The following MMP16 variants were observed in gnomAD, a reference collection of about 807,000 sequenced individuals.
MMP16 encodes matrix metallopeptidase 16.
MMP16 carries 12 observed loss-of-function variants against 67.8 expected under a neutral mutation model. The observed-to-expected ratio is 0.18, with a 90% CI of 0.11 to 0.29. MMP16 has a LOEUF of 0.29. Among genes scored for constraint, MMP16 ranks in the 10% least tolerant of loss-of-function variants. The pLI, the probability that MMP16 is intolerant of heterozygous loss-of-function variation, is 1.00. For synonymous variants in MMP16, 249 were observed against 255.9 expected (o/e 0.97, Z 0.26); for missense variants, 475 against 765.7 (o/e 0.62, Z 4.48).
intron 1 of MMP16, among the ~76,000 whole-genome samples, chr8:88,323,523 CT>C (rs534494393): frequency 3.3e-5 from 5 of 152,074 alleles, no homozygotes; most frequent in Admixed American, 1.3e-4. Flanking sequence ...CTTATCAAGA[CT>C]TTTTTTGTCA....
At chr8:88,078,625 C>G (rs902892776) in intron 6 of MMP16, among the ~76,000 whole-genome samples, 2 of 152,060 alleles carry the variant, frequency 1.3e-5, no homozygotes, top group Admixed American at 6.6e-5. Context: ...CTGCAGTGGG[C>G]CGAGATTGTG....
At position 88,032,817 on chromosome 8, in the gene MMP16, T is replaced by A. The variant is rs1808002937; in HGVS notation, c.*8644A>T. On this transcript the variant is annotated 3_prime_UTR_variant, in exon 10 of 10. Transcript: ENST00000286614. ...CTCATTCAGCAAATAAATGTGTTATTTATTTCTTTCCTTGCACACAGAAGA... is the reference window on the plus strand; with the variant it reads ...CTCATTCAGCAAATAAATGTGTTATATATTTCTTTCCTTGCACACAGAAGA... 1 of 152,072 alleles carries A rather than the reference T, an allele frequency of 6.6e-6. No homozygotes were observed. Among genetic ancestry groups the A allele is most frequent in the Non-Finnish European group, 1.5e-5 (1 of 67,994 alleles). 9.4% of individuals were successfully genotyped at this position (152,072 alleles called of 1,614,324 possible). A position where few individuals can be genotyped will look rare whatever the true frequency, so the allele number is the denominator to read the frequency against.
chr8:88,143,181 G>GT (rs1051850832), intron 4 of MMP16, among the ~76,000 whole-genome samples: 92 of 152,154 alleles, frequency 6.0e-4, no homozygotes, highest in Non-Finnish European at 7.4e-4. Flanking sequence ...AATAGGAAGG[G>GT]TGGTGGTACT....
intron 1 of MMP16, among the ~76,000 whole-genome samples, chr8:88,283,513 T>C (rs779716082): frequency 1.3e-5 from 2 of 152,296 alleles, no homozygotes; most frequent in African/African-American, 2.4e-5. Flanking sequence ...GTTAGCACTT[T>C]ACAGAAACTT....
intron 4 of MMP16, among the ~76,000 whole-genome samples, chr8:88,148,431 G>C (rs2118520256): frequency 6.6e-6 from 1 of 152,318 alleles, no homozygotes; most frequent in South Asian, 2.1e-4. Flanking sequence ...GGTGAAAATA[G>C]CTGGGTGCCT....
At chr8:88,225,247 T>A (rs1027743851) in intron 1 of MMP16, among the ~76,000 whole-genome samples, 3 of 152,014 alleles carry the variant, frequency 2.0e-5, no homozygotes, top group Non-Finnish European at 4.4e-5. Flanking sequence ...CTCACACTAA[T>A]ATTATTTATT....
At chr8:88,287,169 T>C (rs1481768033) in intron 1 of MMP16, among the ~76,000 whole-genome samples, 1 of 152,244 alleles carries the variant, frequency 6.6e-6, no homozygotes, top group Non-Finnish European at 1.5e-5. Flanking sequence ...TAACAAGTTC[T>C]GCGTGCTCTG....
intron 3 of MMP16, among the ~76,000 whole-genome samples, chr8:88,177,532 C>G (rs1201876835): frequency 6.6e-6 from 1 of 152,134 alleles, no homozygotes; most frequent in Non-Finnish European, 1.5e-5. Flanking sequence ...GTTTTACCCC[C>G]AGGACCCTCA....
intron 6 of MMP16, among the ~76,000 whole-genome samples, chr8:88,086,365 A>G (rs1343033136): frequency 6.6e-6 from 1 of 151,918 alleles, no homozygotes. Flanking sequence ...TGAGATCTGA[A>G]GATCGTATTA....
chr8:88,199,576 T>C, intron 1 of MMP16, among the ~76,000 whole-genome samples: 1 of 152,084 alleles, frequency 6.6e-6, no homozygotes, highest in East Asian at 1.9e-4. Flanking sequence ...AAAAATTACA[T>C]CTATTAAGTA....
At chr8:88,304,536 G>T (rs1403791181) in intron 1 of MMP16, among the ~76,000 whole-genome samples, 1 of 152,108 alleles carries the variant, frequency 6.6e-6, no homozygotes. Context: ...AATGTTAAGG[G>T]CTGCCAGAGA....
At position 88,275,249 on chromosome 8, in the gene MMP16, T is replaced by A. The variant is rs181664638; in HGVS notation, c.132+51826A>T. On this transcript the variant is annotated intron_variant, in intron 1 of 9. Coordinates refer to ENST00000286614, the MANE Select transcript of MMP16 (RefSeq NM_005941.5). ...GACTAATAGCTAATAATTTACAAAT[T>A]TAAAAAGAACATGACAGATATACAA... is the stretch of plus-strand genomic sequence containing the variant. Among the ~76,000 whole-genome samples the A allele has an allele frequency of 5.9e-4, 90 of 152,042 alleles. 1 individual carries two copies. The highest frequency in any genetic ancestry group is 5.1e-3 in the Admixed American group (78 of 15,256).
At chr8:88,159,960 A>ATTATT (rs969538018) in intron 4 of MMP16, among the ~76,000 whole-genome samples, 2 of 150,956 alleles carry the variant, frequency 1.3e-5, no homozygotes, top group South Asian at 2.1e-4. Flanking sequence ...TTTTTTTCAA[A>ATTATT]TTATTTTATT....
intron 1 of MMP16, among the ~76,000 whole-genome samples, chr8:88,292,258 A>C (rs1810937281): frequency 6.6e-6 from 1 of 152,236 alleles, no homozygotes. Context: ...TTCACTTTTT[A>C]TATTAGTTCA....
chr8:88,185,050 C>T (rs1394738266), intron 3 of MMP16, among the ~76,000 whole-genome samples: 1 of 152,112 alleles, frequency 6.6e-6, no homozygotes, highest in African/African-American at 2.4e-5. Context: ...TGGCCTAAAG[C>T]TGCTTCATCT....
At chr8:88,176,182 T>C (rs1808887460) in intron 3 of MMP16, among the ~76,000 whole-genome samples, 2 of 152,054 alleles carry the variant, frequency 1.3e-5, no homozygotes, top group African/African-American at 4.8e-5. Flanking sequence ...CAAACCCAGG[T>C]TTTTCCTGCT....
intron 1 of MMP16, among the ~76,000 whole-genome samples, chr8:88,273,327 G>C (rs1453006467): frequency 6.7e-6 from 1 of 149,068 alleles, no homozygotes; most frequent in Non-Finnish European, 1.5e-5. Context: ...CCAGCCTCAT[G>C]TGATCCACCT....
At chr8:88,202,319 T>G (rs1486346133) in intron 1 of MMP16, among the ~76,000 whole-genome samples, 1 of 152,210 alleles carries the variant, frequency 6.6e-6, no homozygotes, top group African/African-American at 2.4e-5. Context: ...GTGATGATCA[T>G]ATTTTATACC....
chr8:88,261,881 T>C lies in MMP16; in HGVS notation c.133-64575A>G, dbSNP rs190378072. On this transcript the variant is annotated intron_variant, in intron 1 of 9. Transcript: ENST00000286614. Reference sequence around the variant, plus strand: ...CACTGCACTTAGCATGATTCACATATTATATTATTAATATTTAATCTTCAG... The same window carrying C: ...CACTGCACTTAGCATGATTCACATACTATATTATTAATATTTAATCTTCAG... Among the ~76,000 whole-genome samples, 362 of 152,144 alleles carry C rather than the reference T, an allele frequency of 2.4e-3. 2 individuals are homozygous for C. The Middle Eastern group carries it at 0.027, about 11-fold the overall frequency.
Sources: gnomAD v4.1 joint callset for allele counts (sites outside exome capture counted in the v4.1 genomes callset) on GRCh38, gnomAD v4.1.1 for gene constraint, MANE v1.5 for transcripts, NCBI Gene and HGNC (gene_info 2026-07-23, HGNC 2026-07-21) for gene names.